SPATA18: variants seen among roughly 807,000 people sequenced by gnomAD.
SPATA18 encodes the protein mitochondria-eating protein.
SPATA18 carries 54 observed loss-of-function variants against 68.1 expected under a neutral mutation model. The ratio of observed to expected loss-of-function variants is 0.79; its 90% confidence interval spans 0.64 to 0.99. The LOEUF is 0.99. Among genes scored for constraint, SPATA18 ranks in the 50% least tolerant of loss-of-function variants. The pLI, the probability that SPATA18 is intolerant of heterozygous loss-of-function variation, is 0.00. For missense variants in SPATA18, 724 were observed against 681.1 expected (o/e 1.06, Z -0.70); for synonymous variants, 242 against 244.8 (o/e 0.99, Z 0.11).
chr4:52,066,378 C>G (rs1237465622), intron 4 of SPATA18, among the ~76,000 whole-genome samples: 1 of 152,150 alleles, frequency 6.6e-6, no homozygotes, highest in African/African-American at 2.4e-5. Context: ...TCTCGATCTC[C>G]TGACCTCATG....
intron 9 of SPATA18, among the ~76,000 whole-genome samples, chr4:52,080,841 G>A (rs1443597957): frequency 1.3e-5 from 2 of 152,210 alleles, no homozygotes; most frequent in Admixed American, 6.5e-5. Context: ...TTCACTCCGG[G>A]TTTTTGTTCA....
At position 52,079,903 on chromosome 4, in the gene SPATA18, G is replaced by A; in HGVS notation, c.1339G>A (p.Val447Ile). Reference protein sequence around the residue: ...LDIAYGADGEVFNDCKYRRSY... With the variant: ...LDIAYGADGEIFNDCKYRRSY... ...TATTGCATATGGAGCAGATGGAGAA[G>A]TTTTTAATGATTGCAAGTAAGAGAC... Residue 447 changes from valine to isoleucine, a missense_variant, in exon 9 of 13, where the codon GTT becomes ATT. Val to Ile is a conservative substitution (Grantham distance 29, BLOSUM62 3). Coordinates refer to ENST00000295213, the MANE Select transcript of SPATA18 (RefSeq NM_145263.4). 1 of 1,612,402 alleles carries A rather than the reference G, an allele frequency of 6.2e-7. No individual in the cohort carries two copies. The highest frequency in any genetic ancestry group is 1.1e-5 in the South Asian group (1 of 90,638).
At chr4:52,091,165 GT>G (rs1741911736) in intron 11 of SPATA18, among the ~76,000 whole-genome samples, 1 of 151,758 alleles carries the variant, frequency 6.6e-6, no homozygotes, top group Non-Finnish European at 1.5e-5. Flanking sequence ...CTCTACATTG[GT>G]TATTCTAGTT....
intron 5 of SPATA18, among the ~76,000 whole-genome samples, chr4:52,070,839 C>A (rs983047115): frequency 6.6e-6 from 1 of 151,808 alleles, no homozygotes; most frequent in Non-Finnish European, 1.5e-5. Flanking sequence ...GTTATACCTT[C>A]CTGGATCTTA....
intron 1 of SPATA18, among the ~76,000 whole-genome samples, chr4:52,053,776 A>AT (rs1738102509): frequency 1.3e-5 from 2 of 152,000 alleles, no homozygotes; most frequent in African/African-American, 4.8e-5. Context: ...CACCACCCCC[A>AT]CTGCTACCAC....
chr4:52,056,244 C>G (rs1738332918), intron 1 of SPATA18, among the ~76,000 whole-genome samples: 1 of 152,176 alleles, frequency 6.6e-6, no homozygotes, highest in African/African-American at 2.4e-5. Context: ...ACCTCCCAGT[C>G]CTGTCTCTCT....
intron 1 of SPATA18, among the ~76,000 whole-genome samples, chr4:52,060,053 C>T (rs1277424364): frequency 1.3e-5 from 2 of 152,204 alleles, no homozygotes; most frequent in Non-Finnish European, 2.9e-5. Context: ...AATCTTGTGG[C>T]TCCACCATCC....
chr4:52,094,706 C>G, intron 12 of SPATA18, 134 bp downstream of exon 12: 1 of 1,271,366 alleles, frequency 7.9e-7, no homozygotes, highest in South Asian at 1.2e-5. Flanking sequence ...CCTTTCATGT[C>G]TGGGCCTCTG....
In SPATA18 at chr4:52,060,808, A is replaced by G; in HGVS notation, c.220A>G (p.Ile74Val). Residue 74 changes from isoleucine (I) to valine (V), a missense_variant, in exon 3 of 13, where the codon ATC (isoleucine) becomes GTC (valine). Coordinates refer to ENST00000295213, the MANE Select transcript of SPATA18 (RefSeq NM_145263.4). ...EGGRNDGVET[I>V]KSRLLPWLEA... ...AGGACGTAATGATGGTGTGGAAACA[A>G]TCAAGTCACGCCTTTTGCCTTGGCT... 6.2e-7 allele frequency: 1 copy of G among 1,614,072 alleles called. No individual in the cohort carries two copies. The highest frequency in any genetic ancestry group is 8.5e-7 in the Non-Finnish European group (1 of 1,179,954).
intron 1 of SPATA18, among the ~76,000 whole-genome samples, chr4:52,057,613 T>A (rs910503264): frequency 1.3e-5 from 2 of 152,190 alleles, no homozygotes; most frequent in African/African-American, 4.8e-5. Context: ...GTACCTCTTT[T>A]ATGCTAGACT....
chr4:52,066,857 C>T (rs1357806456), intron 4 of SPATA18, among the ~76,000 whole-genome samples: 1 of 152,190 alleles, frequency 6.6e-6, no homozygotes, highest in Non-Finnish European at 1.5e-5. Context: ...GGCTGCATAG[C>T]ATTCCATGGT....
chr4:52,060,071 C>T (rs1738694147), intron 1 of SPATA18, among the ~76,000 whole-genome samples: 1 of 152,184 alleles, frequency 6.6e-6, no homozygotes, highest in African/African-American at 2.4e-5. Flanking sequence ...TCCCTTATGC[C>T]CTCAGCATCC....
chr4:52,053,087 A>G (rs1334729527), intron 1 of SPATA18, among the ~76,000 whole-genome samples: 1 of 152,162 alleles, frequency 6.6e-6, no homozygotes, highest in Non-Finnish European at 1.5e-5. Flanking sequence ...TAACATGTAT[A>G]CAGTATTTAC....
At chr4:52,053,684 A>G (rs778326247) in intron 1 of SPATA18, among the ~76,000 whole-genome samples, 2 of 152,184 alleles carry the variant, frequency 1.3e-5, no homozygotes, top group Non-Finnish European at 1.5e-5. Context: ...AGTCGTCTTC[A>G]TCATTATATA....
At chr4:52,054,639 A>G (rs1468828866) in intron 1 of SPATA18, among the ~76,000 whole-genome samples, 2 of 152,092 alleles carry the variant, frequency 1.3e-5, no homozygotes, top group Non-Finnish European at 2.9e-5. Context: ...AGGTGGAGGC[A>G]GGGACATGAA....
intron 6 of SPATA18, among the ~76,000 whole-genome samples, chr4:52,074,041 C>A: frequency 6.6e-6 from 1 of 152,132 alleles, no homozygotes; most frequent in South Asian, 2.1e-4. Context: ...GGTTAAGTTC[C>A]CGTAGTGATT....
chr4:52,065,313 T>C (rs1189137143), intron 4 of SPATA18, among the ~76,000 whole-genome samples: 1 of 152,144 alleles, frequency 6.6e-6, no homozygotes, highest in South Asian at 2.1e-4. Context: ...CCATTTTATT[T>C]ATTTTGGTTT....
chr4:52,091,574 C>G (rs190203053), intron 11 of SPATA18, among the ~76,000 whole-genome samples: 1 of 152,214 alleles, frequency 6.6e-6, no homozygotes. Flanking sequence ...CACTCCCAAC[C>G]CTGTTTGCCT....
intron 11 of SPATA18, among the ~76,000 whole-genome samples, chr4:52,092,639 G>A (rs1264551674): frequency 6.6e-6 from 1 of 152,204 alleles, no homozygotes; most frequent in Non-Finnish European, 1.5e-5. Context: ...CTGCAGACCA[G>A]TGCTGTTTCT....
Sources: gnomAD v4.1 joint callset for allele counts (sites outside exome capture counted in the v4.1 genomes callset) on GRCh38, gnomAD v4.1.1 for gene constraint, MANE v1.5 for transcripts, NCBI Gene and HGNC (gene_info 2026-07-23, HGNC 2026-07-21) for gene names.